Variants in RFTN1 observed in about 807,000 individuals in gnomAD.
RFTN1 encodes raftlin, lipid raft linker 1, also known as raftlin.
A neutral mutation model predicts 46.5 loss-of-function variants in RFTN1; 26 were observed. The observed-to-expected ratio is 0.56, with a 90% CI of 0.41 to 0.78. The LOEUF (loss-of-function observed/expected upper bound fraction) is 0.78, where lower values mean the gene tolerates loss of function less well. RFTN1 is among the 30% of genes least tolerant of loss of function. The pLI, the probability that RFTN1 is intolerant of heterozygous loss-of-function variation, is 0.00. For synonymous variants in RFTN1, 261 were observed against 284.2 expected, an observed-to-expected ratio of 0.92 and a Z score of 0.82; for missense variants, 693 against 718.7, an observed-to-expected ratio of 0.96 and a Z score of 0.41.
At position 16,406,932 on chromosome 3, in the gene RFTN1, GA is replaced by G. The variant is rs535113241; in HGVS notation, c.441+2442del. 3.9e-4 allele frequency among the ~76,000 whole-genome samples: 59 copies of G among 152,196 alleles called. 1 individual carries two copies. The South Asian group carries it at 0.012, about 31-fold the overall frequency. Reference sequence around the variant, plus strand: ...GCATACACACATCTATAATCAGTGGGAAAAAAAGAATGCTGGCATAAAAGTT... The same window carrying G: ...GCATACACACATCTATAATCAGTGGGAAAAAAGAATGCTGGCATAAAAGTT... On this transcript the variant is annotated intron_variant, in intron 4 of 9. Transcript: ENST00000334133.
rs1404720764 is a variant in RFTN1, at chr3:16,512,562, G to C, written c.-9+880C>G. The stretch of plus-strand genomic sequence containing the variant: ...GAGTCACAGACAGACAGCAGGGAGC[G>C]TGCCTGGTTCTACAACCTTGGCCTC... On this transcript the variant is annotated intron_variant, in intron 1 of 9. Coordinates refer to ENST00000334133, the MANE Select transcript of RFTN1 (RefSeq NM_015150.2). The surrounding 1 kb of genome is among the most constrained non-coding windows in gnomAD (Gnocchi z 4.3). 6.6e-6 allele frequency among the ~76,000 whole-genome samples: 1 copy of C among 152,158 alleles called. No individual in the cohort carries two copies. The highest frequency in any genetic ancestry group is 1.5e-5 in the Non-Finnish European group (1 of 68,042).
At chr3:16,357,130 A>T (rs1166487577) in intron 7 of RFTN1, among the ~76,000 whole-genome samples, 1 of 62,314 alleles carries the variant, frequency 1.6e-5, no homozygotes, top group Non-Finnish European at 3.4e-5. Context: ...AAAAAAAAAC[A>T]AAAAAACAAA....
chr3:16,354,244 CAGA>C (rs1299001340), intron 7 of RFTN1, among the ~76,000 whole-genome samples: 1 of 152,188 alleles, frequency 6.6e-6, no homozygotes, highest in Non-Finnish European at 1.5e-5. Flanking sequence ...TATGAGAACA[CAGA>C]GGAGGGGTCT....
At chr3:16,366,293 A>G (rs1035409363) in intron 6 of RFTN1, among the ~76,000 whole-genome samples, 13 of 151,966 alleles carry the variant, frequency 8.6e-5, no homozygotes, top group Admixed American at 6.6e-4. Context: ...TCTTACCCCA[A>G]ACTCCTGGCT....
At chr3:16,354,773 G>A (rs2072321673) in intron 7 of RFTN1, among the ~76,000 whole-genome samples, 1 of 152,182 alleles carries the variant, frequency 6.6e-6, no homozygotes, top group African/African-American at 2.4e-5. Context: ...TCCATTTTCA[G>A]TTTGTTTCTC....
chr3:16,402,579 A>T lies in RFTN1; in HGVS notation c.441+6796T>A, dbSNP rs921376194. ...CCCTAATTAAAATTAGACTCTCTGCACCGCACTTGTAGAAATGAAACTCTG... is the reference window on the plus strand; with the variant it reads ...CCCTAATTAAAATTAGACTCTCTGCTCCGCACTTGTAGAAATGAAACTCTG... On this transcript the variant is annotated intron_variant, in intron 4 of 9. Coordinates refer to ENST00000334133, the MANE Select transcript of RFTN1 (RefSeq NM_015150.2). The surrounding 1 kb of genome is among the most constrained non-coding windows in gnomAD (Gnocchi z 4.5). Among the ~76,000 whole-genome samples the T allele has an allele frequency of 1.2e-4, 18 of 152,206 alleles. 1 individual carries two copies. Among genetic ancestry groups the T allele is most frequent in the Admixed American group, 1.2e-3 (18 of 15,276 alleles).
rs879520482 is a variant in RFTN1 at position 16,465,188 on chromosome 3, G to T, written c.145+28537C>A. Among the ~76,000 whole-genome samples, 4 of 150,660 alleles carry T rather than the reference G, an allele frequency of 2.7e-5. No individual in the cohort carries two copies. Among genetic ancestry groups the T allele is most frequent in the African/African-American group, 9.8e-5 (4 of 40,946 alleles). ...TGGAAATCTGCTAAAACAAATAATG[G>T]AAGGCAACTATTCAAGGATGCCACT... On this transcript the variant is annotated intron_variant, in intron 2 of 9. Coordinates refer to ENST00000334133, the MANE Select transcript of RFTN1 (RefSeq NM_015150.2). The surrounding 1 kb of genome is among the most constrained non-coding windows in gnomAD (Gnocchi z 5.1).
rs758493435 is a variant in RFTN1 at position 16,345,829 on chromosome 3, T to TGTGTGTGTGC, written c.1146+12102_1146+12103insGCACACACAC. 8.0e-4 allele frequency among the ~76,000 whole-genome samples: 56 copies of TGTGTGTGTGC among 69,864 alleles called. No homozygotes were observed. In the East Asian group the frequency reaches 8.6e-3, roughly 11 times the overall value. The allele number at this position is 69,864 out of a possible 152,430, so 45.8% of individuals were successfully genotyped here. On this transcript the variant is annotated intron_variant, in intron 7 of 9. Coordinates refer to ENST00000334133, the MANE Select transcript of RFTN1 (RefSeq NM_015150.2). The surrounding 1 kb of genome is among the most constrained non-coding windows in gnomAD (Gnocchi z 5.2). ...GTGTGTGTGTGTGTGCGCGCGCGCG[T>TGTGTGTGTGC]GCGCGCACGCGCACATGTGCATGTG...
intron 2 of RFTN1, among the ~76,000 whole-genome samples, chr3:16,445,483 T>TCACACACACACACACACA (rs10681518): frequency 3.2e-5 from 4 of 126,778 alleles, no homozygotes; most frequent in African/African-American, 1.2e-4. Flanking sequence ...TCTCTCTCTC[T>TCACACACACACACACACA]CACACACACA....
At position 16,382,598 on chromosome 3, in the gene RFTN1, C is replaced by T. The variant is rs774150778; in HGVS notation, c.442-4496G>A. Among the ~76,000 whole-genome samples, 2 of 151,772 alleles carry T rather than the reference C, an allele frequency of 1.3e-5. No homozygotes were observed. Among genetic ancestry groups the T allele is most frequent in the Non-Finnish European group, 2.9e-5 (2 of 67,936 alleles). ...TTATTCCTAAGTGTGAACCCCTAGC[C>T]CTGGCTTTCCTTGCAAGTTCAGACC... On this transcript the variant is annotated intron_variant, in intron 4 of 9. Coordinates refer to ENST00000334133, the MANE Select transcript of RFTN1 (RefSeq NM_015150.2). The surrounding 1 kb of genome is among the most constrained non-coding windows in gnomAD (Gnocchi z 4.7).
chr3:16,411,825 T>C (rs2074985982), intron 3 of RFTN1, among the ~76,000 whole-genome samples: 1 of 152,198 alleles, frequency 6.6e-6, no homozygotes, highest in African/African-American at 2.4e-5. Context: ...AAATATCCAT[T>C]GAGATTTCAA....
chr3:16,330,064 C>G (rs1466250946), intron 7 of RFTN1, among the ~76,000 whole-genome samples: 1 of 152,140 alleles, frequency 6.6e-6, no homozygotes, highest in Non-Finnish European at 1.5e-5. Flanking sequence ...AACATTTTTT[C>G]CCCCTCAGGG....
In RFTN1 at chr3:16,357,922, C is replaced by G. The variant is rs2072556612; in HGVS notation, c.1146+10G>C. On this transcript the variant is annotated intron_variant, in intron 7 of 9. Transcript: ENST00000334133. Reference sequence around the variant, plus strand: ...AACAAAAGAAGCGGGGCTGCCAACCCCACACTTACTTCCAGGACTGTCCAT... The same window carrying G: ...AACAAAAGAAGCGGGGCTGCCAACCGCACACTTACTTCCAGGACTGTCCAT... 6.4e-7 allele frequency: 1 copy of G among 1,564,184 alleles called. No homozygotes were observed. The highest frequency in any genetic ancestry group is 8.8e-7 in the Non-Finnish European group (1 of 1,135,504).
chr3:16,472,522 G>A (rs1284193127), intron 2 of RFTN1: 3 of 152,314 alleles, frequency 2.0e-5, no homozygotes, highest in Admixed American at 1.3e-4. Flanking sequence ...AGAAAACCTG[G>A]AGGAGCCCAA....
chr3:16,399,400 T>C (rs1425568584), intron 4 of RFTN1, among the ~76,000 whole-genome samples: 1 of 152,208 alleles, frequency 6.6e-6, no homozygotes, highest in African/African-American at 2.4e-5. Context: ...CACAAAAATA[T>C]GCTTCTGTGG....
At position 16,335,092 on chromosome 3, in the gene RFTN1, G is replaced by T. The variant is rs1036266968; in HGVS notation, c.1147-8216C>A. Among the ~76,000 whole-genome samples the T allele has an allele frequency of 2.6e-5, 4 of 152,218 alleles. No homozygotes were observed. Among genetic ancestry groups the T allele is most frequent in the Non-Finnish European group, 5.9e-5 (4 of 68,044 alleles). On this transcript the variant is annotated intron_variant, in intron 7 of 9. Transcript: ENST00000334133. This position sits in a 1 kb window ranked among gnomAD's most constrained non-coding sequence, Gnocchi z 4.7. ...CCCTTAATACTCATTTCAGACTTCTGACTCAACAAATGTAAGACAATAAAC... is the reference window on the plus strand; with the variant it reads ...CCCTTAATACTCATTTCAGACTTCTTACTCAACAAATGTAAGACAATAAAC...
intron 4 of RFTN1, among the ~76,000 whole-genome samples, chr3:16,391,215 G>T (rs1272008335): frequency 6.6e-6 from 1 of 152,212 alleles, no homozygotes; most frequent in Non-Finnish European, 1.5e-5. Context: ...ACAGAATGAA[G>T]ATGTAGATTG....
In RFTN1 at chr3:16,498,942, G is replaced by A. The variant is rs148536186; in HGVS notation, c.-8-5065C>T. 4.1e-4 allele frequency among the ~76,000 whole-genome samples: 62 copies of A among 152,294 alleles called. No homozygotes were observed. Among genetic ancestry groups the A allele is most frequent in the African/African-American group, 1.4e-3 (58 of 41,560 alleles). On this transcript the variant is annotated intron_variant, in intron 1 of 9. Coordinates refer to ENST00000334133, the MANE Select transcript of RFTN1 (RefSeq NM_015150.2). This position sits in a 1 kb window ranked among gnomAD's most constrained non-coding sequence, Gnocchi z 5.2. Reference sequence around the variant, plus strand: ...TTGTAGACTATATTATTTACCATGTGACATTCCCAAACCATGCTCACATTA... The same window carrying A: ...TTGTAGACTATATTATTTACCATGTAACATTCCCAAACCATGCTCACATTA...
intron 2 of RFTN1, among the ~76,000 whole-genome samples, chr3:16,436,240 T>A (rs1370772890): frequency 6.6e-6 from 1 of 152,138 alleles, no homozygotes; most frequent in Non-Finnish European, 1.5e-5. Context: ...GGGCTTTTTT[T>A]CTATTGGTTT....
Sources: gnomAD v4.1 joint callset for allele counts (sites outside exome capture counted in the v4.1 genomes callset) on GRCh38, gnomAD v4.1.1 for gene constraint, Gnocchi (gnomAD v3.1) non-coding constraint, MANE v1.5 for transcripts, NCBI Gene and HGNC (gene_info 2026-07-23, HGNC 2026-07-21) for gene names.